STX3: variants seen among roughly 807,000 people sequenced by gnomAD.
The protein encoded by STX3 is syntaxin-3.
In STX3, 19 loss-of-function variants were observed where a neutral mutation model predicts 40.2. The observed-to-expected ratio is 0.47, with a 90% confidence interval of 0.33 to 0.69. STX3 has a LOEUF of 0.69. STX3 is among the 30% of genes least tolerant of loss of function. The pLI, the probability that STX3 is intolerant of heterozygous loss-of-function variation, is 0.02. For missense variants in STX3, 364 were observed against 366.7 expected (o/e 0.99, Z 0.06); for synonymous variants, 122 against 132.2 (o/e 0.92, Z 0.53).
intron 1 of STX3, among the ~76,000 whole-genome samples, chr11:59,766,399 C>T (rs868274505): frequency 6.6e-6 from 1 of 152,136 alleles, no homozygotes; most frequent in Non-Finnish European, 1.5e-5. Flanking sequence ...CAGTAGGACT[C>T]TTTCTTAAAA....
chr11:59,779,355 A>C (rs1216001256), intron 2 of STX3, among the ~76,000 whole-genome samples: 1 of 152,160 alleles, frequency 6.6e-6, no homozygotes, highest in Non-Finnish European at 1.5e-5. Flanking sequence ...GGAAAGAGCA[A>C]GCTAGCTCTT....
chr11:59,772,974 A>AAAACACACACACACAC (rs1554996770), intron 1 of STX3, among the ~76,000 whole-genome samples: 3 of 140,588 alleles, frequency 2.1e-5, no homozygotes, highest in African/African-American at 7.9e-5. Flanking sequence ...CCCTGAAAGA[A>AAAACACACACACACAC]ACACACACAC....
intron 9 of STX3, among the ~76,000 whole-genome samples, chr11:59,796,380 C>T (rs78948608): frequency 0.049 from 7,412 of 152,256 alleles, 380 homozygotes; most frequent in African/African-American, 0.12. Context: ...GCTCTGGTGG[C>T]GTCTGCTTTT....
chr11:59,793,010 G>A, intron 6 of STX3, 89 bp from the exon 7 acceptor site: 5 of 1,312,872 alleles, frequency 3.8e-6, no homozygotes, highest in Non-Finnish European at 5.4e-6. Context: ...GTCTTTATAG[G>A]GAAGTCACGT....
chr11:59,769,438 G>A (rs1403288037), intron 1 of STX3, among the ~76,000 whole-genome samples: 1 of 152,146 alleles, frequency 6.6e-6, no homozygotes, highest in Non-Finnish European at 1.5e-5. Flanking sequence ...AAGGTCATAA[G>A]GTCTGTGGGG....
intron 2 of STX3, among the ~76,000 whole-genome samples, chr11:59,777,624 G>T (rs571733206): frequency 1.3e-5 from 2 of 152,334 alleles, no homozygotes; most frequent in African/African-American, 2.4e-5. Flanking sequence ...TTTTGCATAT[G>T]AAGTAGTTTG....
chr11:59,774,699 T>C (rs7119778), intron 2 of STX3, among the ~76,000 whole-genome samples: 15,486 of 151,804 alleles, frequency 0.1, 1,082 homozygotes, highest in African/African-American at 0.19. Context: ...GGTGTGGTGG[T>C]GGGCACCTGT....
In STX3 at chr11:59,764,883, CTATTATTATTATTAT is replaced by C. The variant is rs71454394; in HGVS notation, c.31-8305_31-8291del. On this transcript the variant is annotated intron_variant, in intron 1 of 10. Coordinates refer to ENST00000337979, the MANE Select transcript of STX3 (RefSeq NM_004177.5). ...CTGCAACAACACACACACACATTAT[CTATTATTATTATTAT>C]TATTATTATTATTATTATTATTGTT... Among the ~76,000 whole-genome samples the C allele has an allele frequency of 2.6e-3, 372 of 145,162 alleles. 1 individual carries two copies. Among genetic ancestry groups the C allele is most frequent in the Middle Eastern group, 0.011 (3 of 280 alleles).
At chr11:59,759,311 A>G (rs1862906315) in intron 1 of STX3, among the ~76,000 whole-genome samples, 1 of 152,212 alleles carries the variant, frequency 6.6e-6, no homozygotes, top group Non-Finnish European at 1.5e-5. Context: ...TGTATAAACC[A>G]TCAAGCATAT....
intron 8 of STX3, 147 bp downstream of exon 8, chr11:59,793,661 G>A (rs1300297332): frequency 2.6e-6 from 3 of 1,142,700 alleles, no homozygotes; most frequent in Admixed American, 5.7e-5. Context: ...AGAATCCCAT[G>A]GGAAAGTGTG....
In STX3 at chr11:59,802,775, G is replaced by A. The variant is rs972232446; in HGVS notation, c.*1951G>A. Reference sequence around the variant, plus strand: ...CCACCATGTGGTGATTTTTATTCAGGTTTTAGAATGCAGTTCACACCTTTT... The same window carrying A: ...CCACCATGTGGTGATTTTTATTCAGATTTTAGAATGCAGTTCACACCTTTT... On this transcript the variant is annotated 3_prime_UTR_variant, in exon 11 of 11. Transcript: ENST00000337979. 1 of 986,108 alleles carries A rather than the reference G, an allele frequency of 1.0e-6. No homozygotes were observed. The highest frequency in any genetic ancestry group is 1.7e-5 in the African/African-American group (1 of 57,270). The allele number at this position is 986,108 out of a possible 1,614,324, so 61.1% of individuals were successfully genotyped here.
chr11:59,759,894 C>A (rs774410984), intron 1 of STX3, among the ~76,000 whole-genome samples: 1 of 152,166 alleles, frequency 6.6e-6, no homozygotes, highest in Non-Finnish European at 1.5e-5. Context: ...TTTATCGAGC[C>A]GCTTTTATGT....
chr11:59,800,261 C>T lies in STX3; in HGVS notation c.*31-594C>T, dbSNP rs962523841. 5 of 985,268 alleles carry T rather than the reference C, an allele frequency of 5.1e-6. 1 individual carries two copies. Among genetic ancestry groups the T allele is most frequent in the Non-Finnish European group, 6.0e-6 (5 of 829,928 alleles). The allele number at this position is 985,268 out of a possible 1,614,324, so 61.0% of individuals were successfully genotyped here. ...CACCCAAGGGAGAGAGGTCTCTGAA[C>T]AGGAGGGTAGACAGTGTGTTTATAT... On this transcript the variant is annotated intron_variant, in intron 10 of 10. Coordinates refer to ENST00000337979, the MANE Select transcript of STX3 (RefSeq NM_004177.5).
Position 59,803,172 on chromosome 11 carries a change from GA to G in STX3, c.*2349del. On this transcript the variant is annotated 3_prime_UTR_variant, in exon 11 of 11. Transcript: ENST00000337979. ...TATCTCCCTGCAGAATACTTTTTGC[GA>G]TGATGTTTCTCATGTATTCTTTCTT... is the stretch of plus-strand genomic sequence containing the variant. 1 of 1,231,402 alleles carries G rather than the reference GA, an allele frequency of 8.1e-7. No individual in the cohort carries two copies. The highest frequency in any genetic ancestry group is 3.2e-5 in the East Asian group (1 of 31,700). 76.3% of individuals were successfully genotyped at this position (1,231,402 alleles called of 1,614,324 possible).
At chr11:59,777,518 C>T (rs758244216) in intron 2 of STX3, among the ~76,000 whole-genome samples, 3 of 152,198 alleles carry the variant, frequency 2.0e-5, no homozygotes. Flanking sequence ...AGCGATGGAG[C>T]CTTGACCTGA....
chr11:59,803,186 T>A lies in STX3; in HGVS notation c.*2362T>A, dbSNP rs1865962464. The stretch of plus-strand genomic sequence containing the variant: ...ATACTTTTTGCGATGATGTTTCTCA[T>A]GTATTCTTTCTTTCCTTGTCTGGAT... On this transcript the variant is annotated 3_prime_UTR_variant, in exon 11 of 11. Coordinates refer to ENST00000337979, the MANE Select transcript of STX3 (RefSeq NM_004177.5). 3 of 1,231,688 alleles carry A rather than the reference T, an allele frequency of 2.4e-6. No individual in the cohort carries two copies. Among genetic ancestry groups the A allele is most frequent in the Non-Finnish European group, 3.0e-6 (3 of 987,914 alleles). The allele number at this position is 1,231,688 out of a possible 1,614,324, so 76.3% of individuals were successfully genotyped here.
intron 1 of STX3, among the ~76,000 whole-genome samples, chr11:59,765,403 G>C (rs1330046827): frequency 6.6e-6 from 1 of 152,170 alleles, no homozygotes; most frequent in Non-Finnish European, 1.5e-5. Context: ...GTATGTGTCT[G>C]TGTGTGTCTG....
intron 2 of STX3, among the ~76,000 whole-genome samples, chr11:59,780,079 TC>T (rs1193886310): frequency 6.6e-6 from 1 of 152,202 alleles, no homozygotes; most frequent in Non-Finnish European, 1.5e-5. Flanking sequence ...CTACTGTCCT[TC>T]CTCTGCTCTT....
At chr11:59,781,729 C>T (rs764352507) in intron 2 of STX3, 6 of 1,585,006 alleles carry the variant, frequency 3.8e-6, no homozygotes, top group Non-Finnish European at 5.2e-6. Flanking sequence ...ATGGTGGGTG[C>T]GGGCGGGCTG....
Sources: gnomAD v4.1 joint callset for allele counts (sites outside exome capture counted in the v4.1 genomes callset) on GRCh38, gnomAD v4.1.1 for gene constraint, MANE v1.5 for transcripts, NCBI Gene and HGNC (gene_info 2026-07-23, HGNC 2026-07-21) for gene names.